The following MKLN1 variants were observed in gnomAD, a reference collection of about 807,000 sequenced individuals.
The protein encoded by MKLN1 is muskelin 1, also known as muskelin.
Under a neutral mutation model 99.0 loss-of-function variants are expected in MKLN1, and 18 were observed. The ratio of observed to expected loss-of-function variants is 0.18; its 90% CI spans 0.13 to 0.27. The LOEUF (loss-of-function observed/expected upper bound fraction) is 0.27, where lower values mean the gene tolerates loss of function less well. Ranked by LOEUF, MKLN1 falls within the 10% of genes least tolerant of loss-of-function variation. The pLI is 1.00. For missense variants in MKLN1, 621 were observed against 875.9 expected, an observed-to-expected ratio of 0.71 and a Z score of 3.67; for synonymous variants, 288 against 293.2, an observed-to-expected ratio of 0.98 and a Z score of 0.18.
intron 2 of MKLN1, among the ~76,000 whole-genome samples, chr7:131,384,346 A>G (rs1793944485): frequency 6.6e-6 from 1 of 151,676 alleles, no homozygotes; most frequent in Non-Finnish European, 1.5e-5. Context: ...GGTGGCCTAT[A>G]AATCCAATGA....
intron 8 of MKLN1, among the ~76,000 whole-genome samples, chr7:131,423,990 G>T (rs768696531): frequency 3.6e-4 from 55 of 152,288 alleles, no homozygotes; most frequent in Non-Finnish European, 6.5e-4. Flanking sequence ...TTCAGTTGAT[G>T]ATCTGCTGGG....
At chr7:131,403,221 CT>C (rs1340111478) in intron 6 of MKLN1, among the ~76,000 whole-genome samples, 3 of 152,182 alleles carry the variant, frequency 2.0e-5, no homozygotes, top group African/African-American at 7.2e-5. Flanking sequence ...TTACTTTGCA[CT>C]TTTATGTTAC....
intron 3 of MKLN1, among the ~76,000 whole-genome samples, chr7:131,216,338 G>A (rs191026632): frequency 1.5e-4 from 23 of 150,954 alleles, no homozygotes; most frequent in African/African-American, 5.4e-4. Flanking sequence ...CAGGAGAATC[G>A]CTTAAAACCA....
intron 2 of MKLN1, among the ~76,000 whole-genome samples, chr7:131,154,808 T>G (rs1420190590): frequency 6.6e-6 from 1 of 152,164 alleles, no homozygotes; most frequent in Non-Finnish European, 1.5e-5. Flanking sequence ...CAATTGTGTA[T>G]TTATCATTTC....
intron 3 of MKLN1, among the ~76,000 whole-genome samples, chr7:131,222,874 AAAAG>A (rs1357044242): frequency 1.3e-5 from 2 of 151,534 alleles, no homozygotes; most frequent in East Asian, 1.9e-4. Flanking sequence ...AAAAAAAAAA[AAAAG>A]AAAGAAAATA....
At chr7:131,399,764 TA>T (rs1158910578) in intron 6 of MKLN1, among the ~76,000 whole-genome samples, 1 of 152,158 alleles carries the variant, frequency 6.6e-6, no homozygotes, top group African/African-American at 2.4e-5. Flanking sequence ...ATTAACAGTG[TA>T]GTTTTGAGGA....
intron 10 of MKLN1, among the ~76,000 whole-genome samples, chr7:131,440,344 CG>C (rs1231178533): frequency 1.3e-5 from 2 of 152,072 alleles, no homozygotes; most frequent in Non-Finnish European, 2.9e-5. Context: ...ATGGCTTCAC[CG>C]GAAGTGCCAT....
intron 3 of MKLN1, among the ~76,000 whole-genome samples, chr7:131,259,625 T>C (rs1797705321): frequency 6.6e-6 from 1 of 152,210 alleles, no homozygotes; most frequent in African/African-American, 2.4e-5. Context: ...AATCAAATAC[T>C]CATCTACATT....
intron 2 of MKLN1, among the ~76,000 whole-genome samples, chr7:131,192,826 C>T (rs1304917734): frequency 6.6e-6 from 1 of 152,058 alleles, no homozygotes; most frequent in Non-Finnish European, 1.5e-5. Flanking sequence ...AGGCATGAGC[C>T]ACTGTGCCCG....
intron 3 of MKLN1, among the ~76,000 whole-genome samples, chr7:131,268,650 G>A (rs1183261380): frequency 1.3e-5 from 2 of 152,124 alleles, no homozygotes; most frequent in Non-Finnish European, 2.9e-5. Context: ...GCCAGATCTG[G>A]AACTGGCACC....
chr7:131,119,778 A>G (rs1014327187), intron 1 of MKLN1, among the ~76,000 whole-genome samples: 10 of 152,180 alleles, frequency 6.6e-5, no homozygotes, highest in Admixed American at 5.2e-4. Flanking sequence ...CCTTTTAGCC[A>G]TGGCTGGAGC....
chr7:131,387,585 T>G (rs1794070762), intron 3 of MKLN1, among the ~76,000 whole-genome samples: 1 of 152,140 alleles, frequency 6.6e-6, no homozygotes, highest in Non-Finnish European at 1.5e-5. Context: ...CTATAATCTT[T>G]GCTGTAAAAA....
chr7:131,231,141 A>AAAG (rs1797237840), intron 3 of MKLN1, among the ~76,000 whole-genome samples: 1 of 151,182 alleles, frequency 6.6e-6, no homozygotes, highest in Non-Finnish European at 1.5e-5. Context: ...AAAAAAAAAA[A>AAAG]AGGTTTTAAA....
At chr7:131,427,185 G>A (rs28744587) in intron 8 of MKLN1, among the ~76,000 whole-genome samples, 2 of 152,064 alleles carry the variant, frequency 1.3e-5, no homozygotes, top group South Asian at 2.1e-4. Flanking sequence ...TTTATTTCCC[G>A]TGGTATTTGG....
intron 3 of MKLN1, chr7:131,285,015 A>T (rs1798111657): frequency 6.6e-6 from 1 of 152,142 alleles, no homozygotes; most frequent in Non-Finnish European, 1.5e-5. Flanking sequence ...AGTGATGCGT[A>T]CTCTGAGGCT....
intron 3 of MKLN1, among the ~76,000 whole-genome samples, chr7:131,301,513 T>C (rs1451589608): frequency 6.6e-6 from 1 of 152,202 alleles, no homozygotes. Flanking sequence ...ATTTTAACAT[T>C]ATGAGGGCAT....
At chr7:131,128,876 A>G (rs1290132856) in intron 1 of MKLN1, among the ~76,000 whole-genome samples, 1 of 147,910 alleles carries the variant, frequency 6.8e-6, no homozygotes, top group African/African-American at 2.5e-5. Flanking sequence ...CTAGGACCAC[A>G]CGTGTGTGCC....
At chr7:131,345,212 A>G (rs1162772912) in intron 1 of MKLN1, among the ~76,000 whole-genome samples, 1 of 152,230 alleles carries the variant, frequency 6.6e-6, no homozygotes, top group Non-Finnish European at 1.5e-5. Context: ...CAGGTTGAGT[A>G]TCCCTTACTT....
At chr7:131,308,412 T>C (rs1360965491) in intron 3 of MKLN1, among the ~76,000 whole-genome samples, 1 of 151,224 alleles carries the variant, frequency 6.6e-6, no homozygotes, top group Non-Finnish European at 1.5e-5. Flanking sequence ...CAGGCATGCA[T>C]CACTACGCCC....
Sources: allele counts gnomAD v4.1 joint callset (sites outside exome capture counted in the v4.1 genomes callset), GRCh38; gene constraint gnomAD v4.1.1; transcripts MANE v1.5; gene names NCBI Gene and HGNC (gene_info 2026-07-23, HGNC 2026-07-21).